Variants in FOXM1 observed in about 807,000 individuals in gnomAD.
The protein encoded by FOXM1 is forkhead box protein M1.
FOXM1 carries 25 observed loss-of-function variants against 63.6 expected under a neutral mutation model. The observed-to-expected ratio is 0.39, with a 90% CI of 0.29 to 0.55. FOXM1 has a LOEUF of 0.55. Ranked by LOEUF, FOXM1 falls within the 20% of genes least tolerant of loss-of-function variation. FOXM1 has a pLI of 0.60. For synonymous variants in FOXM1, 387 were observed against 376.9 expected, an observed-to-expected ratio of 1.03 and a Z score of -0.31; for missense variants, 879 against 958.7, an observed-to-expected ratio of 0.92 and a Z score of 1.10.
At position 2,864,283 on chromosome 12, in the gene FOXM1, G is replaced by A; in HGVS notation, c.1266+37C>T. On this transcript the variant is annotated intron_variant, in intron 8 of 8. Coordinates refer to ENST00000359843, the MANE Select transcript of FOXM1 (RefSeq NM_021953.4). This position sits in a 1 kb window ranked among gnomAD's most constrained non-coding sequence, Gnocchi z 5.1. ...GCTGAAGGTCCAACATTCTTAATTG[G>A]CCAGAATCTCTCTTCAGAGGAAAAT... 2 of 1,562,572 alleles carry A rather than the reference G, an allele frequency of 1.3e-6. No homozygotes were observed. Among genetic ancestry groups the A allele is most frequent in the Non-Finnish European group, 8.7e-7 (1 of 1,144,948 alleles).
intron 3 of FOXM1, 97 bp downstream of exon 3, chr12:2,871,999 T>G: frequency 7.7e-7 from 1 of 1,297,772 alleles, no homozygotes; most frequent in South Asian, 1.2e-5. Context: ...TACCAGAACT[T>G]GGAAATTCTG....
At position 2,874,771 on chromosome 12, in the gene FOXM1, A is replaced by G. The variant is rs1740815869; in HGVS notation, c.-47-246T>C. On this transcript the variant is annotated intron_variant, in intron 1 of 8. Coordinates refer to ENST00000359843, the MANE Select transcript of FOXM1 (RefSeq NM_021953.4). This position sits in a 1 kb window ranked among gnomAD's most constrained non-coding sequence, Gnocchi z 4.3. ...AATGGGACTGGGTTGGAGATAAGAC[A>G]AAGATCTCCTTGAAGCTTCAGAATA... Among the ~76,000 whole-genome samples the G allele has an allele frequency of 6.6e-6, 1 of 152,166 alleles. No individual in the cohort carries two copies. Among genetic ancestry groups the G allele is most frequent in the African/African-American group, 2.4e-5 (1 of 41,442 alleles).
chr12:2,867,979 C>CAAAAAAA (rs60064456), intron 4 of FOXM1, among the ~76,000 whole-genome samples: 1 of 68,318 alleles, frequency 1.5e-5, no homozygotes. Flanking sequence ...GACTCTGTCT[C>CAAAAAAA]AAAAAAAAAA....
chr12:2,859,525 C>T lies in FOXM1; in HGVS notation c.1405G>A (p.Glu469Lys), dbSNP rs145537744. ...ATGGGTCTCGCTAAGTGTGGCATTTCCTCCCCAGGCTGGATTTCTTCCTCC... is the reference window on the plus strand; with the variant it reads ...ATGGGTCTCGCTAAGTGTGGCATTTTCTCCCCAGGCTGGATTTCTTCCTCC... Reference protein sequence around the residue: ...IKEEEIQPGEEMPHLARPIKV... With the variant: ...IKEEEIQPGEKMPHLARPIKV... Residue 469 changes from glutamate to lysine, a missense_variant, in exon 9 of 9, where the codon GAA (glutamate) becomes AAA (lysine). Glu to Lys is a moderately conservative substitution (Grantham distance 56). Around this residue, in one of 4 missense-constraint regions of FOXM1, gnomAD observed 486 missense variants for 453.5 expected, o/e 1.07. Transcript: ENST00000359843. 2.5e-6 allele frequency: 4 copies of T among 1,613,922 alleles called. No individual in the cohort carries two copies. In the African/African-American group the frequency reaches 5.3e-5, roughly 22 times the overall value.
intron 8 of FOXM1, among the ~76,000 whole-genome samples, chr12:2,862,309 T>G (rs116731530): frequency 6.6e-6 from 1 of 152,058 alleles, no homozygotes; most frequent in Non-Finnish European, 1.5e-5. Flanking sequence ...ACTAAGAGCA[T>G]TGATAAAATA....
At chr12:2,871,268 A>C (rs531919796) in intron 3 of FOXM1, among the ~76,000 whole-genome samples, 31 of 152,194 alleles carry the variant, frequency 2.0e-4, no homozygotes, top group Non-Finnish European at 2.9e-5. Flanking sequence ...AATAGAATCT[A>C]GATGTGTTAT....
At chr12:2,869,227 G>T (rs1182981946) in intron 3 of FOXM1, among the ~76,000 whole-genome samples, 1 of 152,162 alleles carries the variant, frequency 6.6e-6, no homozygotes, top group Non-Finnish European at 1.5e-5. Context: ...TGTCTGCAAA[G>T]CACACAGTTA....
At chr12:2,863,251 A>T (rs2098117164) in intron 8 of FOXM1, among the ~76,000 whole-genome samples, 1 of 152,172 alleles carries the variant, frequency 6.6e-6, no homozygotes, top group African/African-American at 2.4e-5. Flanking sequence ...CCAGCTGTCA[A>T]CGTGAATAGT....
At position 2,866,516 on chromosome 12, in the gene FOXM1, G is replaced by A. The variant is rs116218980; in HGVS notation, c.852C>T (p.Ser284=). The part of the protein sequence containing the change: ...KHIAKPGWKN[S]IRHNLSLHDM... ...CGTGCAGGGAAAGGTTGTGGCGGAT[G>A]GAGTTCTGGAAGAAGAGCAAGACAA... is the stretch of plus-strand genomic sequence containing the variant. The change falls in exon 5 of 9, where the codon TCC becomes TCT. Residue 284 remains serine, a synonymous_variant. Transcript: ENST00000359843. 1.5e-3 allele frequency: 2,328 copies of A among 1,533,838 alleles called. 24 individuals are homozygous for A. In the African/African-American group the frequency reaches 0.029, roughly 19 times the overall value.
rs145468122 is a variant in FOXM1, at chr12:2,872,466, G to A, written c.503-219C>T. Reference sequence around the variant, plus strand: ...CTCTACTAAAAATACAAAATTAGCTGGGTGTGGTGGCACACGCCTGTAGTC... The same window carrying A: ...CTCTACTAAAAATACAAAATTAGCTAGGTGTGGTGGCACACGCCTGTAGTC... On this transcript the variant is annotated intron_variant, in intron 2 of 8. Transcript: ENST00000359843. The surrounding 1 kb of genome is among the most constrained non-coding windows in gnomAD (Gnocchi z 4.0). Among the ~76,000 whole-genome samples, 4 of 152,226 alleles carry A rather than the reference G, an allele frequency of 2.6e-5. No individual in the cohort carries two copies. Among genetic ancestry groups the A allele is most frequent in the African/African-American group, 9.6e-5 (4 of 41,528 alleles).
Position 2,859,489 on chromosome 12 carries a change from T to C in FOXM1, c.1441A>G (p.Ser481Gly), listed in dbSNP as rs1170788329. 1.9e-6 allele frequency: 3 copies of C among 1,613,988 alleles called. No homozygotes were observed. Among genetic ancestry groups the C allele is most frequent in the South Asian group, 2.2e-5 (2 of 91,078 alleles). The change falls in exon 9 of 9, where the codon AGC (serine) becomes GGC (glycine). Residue 481 changes from serine (S) to glycine (G), a missense_variant. This residue lies in a region of FOXM1 where 486 missense variants were observed against 453.5 expected (regional missense o/e 1.07). Coordinates refer to ENST00000359843, the MANE Select transcript of FOXM1 (RefSeq NM_021953.4). ...PHLARPIKVE[S>G]PPLEEWPSPA... Reference sequence around the variant, plus strand: ...GAGGGCCACTCTTCCAAGGGAGGGCTCTCCACTTTGATGGGTCTCGCTAAG... The same window carrying C: ...GAGGGCCACTCTTCCAAGGGAGGGCCCTCCACTTTGATGGGTCTCGCTAAG...
intron 8 of FOXM1, among the ~76,000 whole-genome samples, chr12:2,860,704 C>A (rs2098110166): frequency 6.6e-6 from 1 of 151,274 alleles, no homozygotes; most frequent in Non-Finnish European, 1.5e-5. Context: ...GAAACCTTGT[C>A]TCTACTAAAA....
rs912730887 is a variant in FOXM1 at position 2,859,221 on chromosome 12, C to A, written c.1709G>T (p.Arg570Leu). ...LLFSEGPSTS[R>L]WAAELPFPAD... ...TGGGAACGGGAGCTCTGCGGCCCAGCGGGAAGTACTGGGCCCCTCTGAGAA... is the reference window on the plus strand; with the variant it reads ...TGGGAACGGGAGCTCTGCGGCCCAGAGGGAAGTACTGGGCCCCTCTGAGAA... Residue 570 changes from arginine to leucine, a missense_variant, in exon 9 of 9, where the codon CGC becomes CTC. Physicochemically the swap from Arg to Leu is moderately radical, Grantham distance 102. Transcript: ENST00000359843. The A allele has an allele frequency of 1.2e-6, 2 of 1,612,978 alleles. No homozygotes were observed. Among genetic ancestry groups the A allele is most frequent in the East Asian group, 2.2e-5 (1 of 44,848 alleles).
rs1431277178 is a variant in FOXM1 at position 2,858,298 on chromosome 12, AT to A, written c.*339del. ...GAGGATAATTTGGAGAATTTATACT[AT>A]TTACACGGACCACCCTGCAAAGATC... On this transcript the variant is annotated 3_prime_UTR_variant, in exon 9 of 9. Transcript: ENST00000359843. 4.0e-6 allele frequency: 1 copy of A among 252,296 alleles called. No individual in the cohort carries two copies. The highest frequency in any genetic ancestry group is 7.6e-6 in the Non-Finnish European group (1 of 131,730). 15.6% of individuals were successfully genotyped at this position (252,296 alleles called of 1,614,324 possible).
Position 2,868,661 on chromosome 12 carries a change from T to A in FOXM1, c.748A>T (p.Asn250Tyr). 1 of 1,613,990 alleles carries A rather than the reference T, an allele frequency of 6.2e-7. No individual in the cohort carries two copies. Among genetic ancestry groups the A allele is most frequent in the Non-Finnish European group, 8.5e-7 (1 of 1,179,942 alleles). ...SYMAMIQFAI[N>Y]STERKRMTLK... Reference sequence around the variant, plus strand: ...GTCATGCGCTTCCTCTCAGTGCTGTTGATGGCGAATTGTATCATGGCCATG... The same window carrying A: ...GTCATGCGCTTCCTCTCAGTGCTGTAGATGGCGAATTGTATCATGGCCATG... Residue 250 changes from asparagine (N) to tyrosine (Y), a missense_variant, in exon 4 of 9, where the codon AAC (asparagine) becomes TAC (tyrosine). This residue lies in a region of FOXM1 where 62 missense variants were observed against 118.2 expected (regional missense o/e 0.52). Coordinates refer to ENST00000359843, the MANE Select transcript of FOXM1 (RefSeq NM_021953.4).
chr12:2,861,433 AAAAT>A (rs28918675), intron 8 of FOXM1: 9,637 of 582,902 alleles, frequency 0.017, 151 homozygotes, highest in Non-Finnish European at 0.022. Context: ...AAAAAATTTA[AAAAT>A]AAATAAATAA....
At position 2,872,050 on chromosome 12, in the gene FOXM1, C is replaced by G. The variant is rs1276079582; in HGVS notation, c.654+46G>C. The G allele has an allele frequency of 6.2e-7, 1 of 1,607,524 alleles. No individual in the cohort carries two copies. Among genetic ancestry groups the G allele is most frequent in the South Asian group, 1.1e-5 (1 of 90,942 alleles). ...TGATCCATTTCCCTACCTAGGAATT[C>G]CCTACACTGGATCTGATTTCTTTAG... On this transcript the variant is annotated intron_variant, in intron 3 of 8. Transcript: ENST00000359843. The surrounding 1 kb of genome is among the most constrained non-coding windows in gnomAD (Gnocchi z 4.0).
In FOXM1 at chr12:2,858,916, A is replaced by G. The variant is rs376414243; in HGVS notation, c.2014T>C (p.Ser672Pro). ...TCTGAACTGAGGAGCCTTTGCGGTG[A>G]TTCAAGGGGGGGAGCACTTTGCAAG... Reference protein sequence around the residue: ...TPLQSAPPLESPQRLLSSEPL... With the variant: ...TPLQSAPPLEPPQRLLSSEPL... The change falls in exon 9 of 9, where the codon TCA becomes CCA. Residue 672 changes from serine (S) to proline (P), a missense_variant. Ser to Pro is a moderately conservative substitution (Grantham distance 74, BLOSUM62 -1). This residue lies in a region of FOXM1 where 486 missense variants were observed against 453.5 expected (regional missense o/e 1.07). Transcript: ENST00000359843. The G allele has an allele frequency of 6.2e-7, 1 of 1,613,756 alleles. No homozygotes were observed. The highest frequency in any genetic ancestry group is 1.3e-5 in the African/African-American group (1 of 74,906).
chr12:2,864,460 A>G lies in FOXM1; in HGVS notation c.1126T>C (p.Ser376Pro). 3.7e-6 allele frequency: 6 copies of G among 1,613,748 alleles called. No homozygotes were observed. The highest frequency in any genetic ancestry group is 5.1e-6 in the Non-Finnish European group (6 of 1,179,722). ...GGGAACTGGATAGGTACCAGGTATG[A>G]GCTGACCCGTGGTAGCAGTGGCTTC... The part of the protein sequence containing the change: ...KMKPLLPRVS[S>P]YLVPIQFPVN... Residue 376 changes from serine to proline, a missense_variant, in exon 8 of 9, where the codon TCA becomes CCA. Transcript: ENST00000359843. The surrounding 1 kb of genome is among the most constrained non-coding windows in gnomAD (Gnocchi z 5.1).
Sources: allele counts gnomAD v4.1 joint callset (sites outside exome capture counted in the v4.1 genomes callset), GRCh38; gene constraint gnomAD v4.1.1; regional missense constraint gnomAD v4.1.1; non-coding constraint Gnocchi (gnomAD v3.1); transcripts MANE v1.5; gene names NCBI Gene and HGNC (gene_info 2026-07-23, HGNC 2026-07-21).